Variants in KSR2 observed in about 807,000 individuals in gnomAD.
KSR2 encodes the protein kinase suppressor of ras 2.
A neutral mutation model predicts 107.8 loss-of-function variants in KSR2; 25 were observed. The observed-to-expected ratio is 0.23, with a 90% confidence interval of 0.17 to 0.32. The LOEUF is 0.32. Ranked by LOEUF, KSR2 falls within the 10% of genes least tolerant of loss-of-function variation. The pLI is 1.00. For missense variants in KSR2, 887 were observed against 1,268.9 expected, an observed-to-expected ratio of 0.70 and a Z score of 4.57; for synonymous variants, 480 against 507.0, an observed-to-expected ratio of 0.95 and a Z score of 0.71.
intron 5 of KSR2, among the ~76,000 whole-genome samples, chr12:117,606,094 C>A (rs1301155885): frequency 2.6e-5 from 4 of 152,066 alleles, no homozygotes; most frequent in Non-Finnish European, 4.4e-5. Flanking sequence ...TGATTAGATG[C>A]TTGCAGAGTG....
rs563501541 is a variant in KSR2, at chr12:117,671,715, T to C, written c.987-4057A>G. ...AACTTTTCAGTGGGCTTGAAAACAT[T>C]TCTTCCCTTCCCAAGGAGTGCGCTT... is the stretch of plus-strand genomic sequence containing the variant. On this transcript the variant is annotated intron_variant, in intron 4 of 19. Transcript: ENST00000339824. 8.0e-4 allele frequency among the ~76,000 whole-genome samples: 122 copies of C among 152,310 alleles called. 1 individual carries two copies. The highest frequency in any genetic ancestry group is 2.3e-3 in the South Asian group (11 of 4,832).
At chr12:117,956,591 T>C (rs1039644540) in intron 1 of KSR2, among the ~76,000 whole-genome samples, 1 of 151,762 alleles carries the variant, frequency 6.6e-6, no homozygotes, top group Admixed American at 6.6e-5. Flanking sequence ...AAACAGAAAA[T>C]AGAAATTATC....
In KSR2 at chr12:117,787,805, A is replaced by G. The variant is rs1051250744; in HGVS notation, c.473-26281T>C. Among the ~76,000 whole-genome samples, 11 of 152,310 alleles carry G rather than the reference A, an allele frequency of 7.2e-5. No homozygotes were observed. In the East Asian group the frequency reaches 2.1e-3, roughly 29 times the overall value. On this transcript the variant is annotated intron_variant, in intron 3 of 19. Coordinates refer to ENST00000339824, the MANE Select transcript of KSR2 (RefSeq NM_173598.6). ...AGAAAGACTGTGTGATCTCCCCCAGATCTTTATTAACAGGATGAACTGCCA... is the reference window on the plus strand; with the variant it reads ...AGAAAGACTGTGTGATCTCCCCCAGGTCTTTATTAACAGGATGAACTGCCA...
intron 4 of KSR2, among the ~76,000 whole-genome samples, chr12:117,700,124 GC>G (rs1886244781): frequency 6.6e-6 from 1 of 151,602 alleles, no homozygotes; most frequent in South Asian, 2.1e-4. Flanking sequence ...TAAGTGATCT[GC>G]CTGCCTCAGC....
intron 3 of KSR2, among the ~76,000 whole-genome samples, chr12:117,772,636 A>G (rs181294800): frequency 2.7e-5 from 4 of 149,564 alleles, no homozygotes; most frequent in South Asian, 4.3e-4. Context: ...CCAAAGACGC[A>G]CACACACACA....
At chr12:117,944,780 C>T (rs1896123895) in intron 1 of KSR2, among the ~76,000 whole-genome samples, 1 of 151,874 alleles carries the variant, frequency 6.6e-6, no homozygotes, top group Admixed American at 6.6e-5. Context: ...ATCGCTTGAG[C>T]CTGGGAGGCC....
At chr12:117,606,411 C>T (rs12422535) in intron 5 of KSR2, among the ~76,000 whole-genome samples, 2,021 of 8,806 alleles carry the variant, frequency 0.23, 331 homozygotes, top group African/African-American at 0.38. Flanking sequence ...TCTCCTTCCT[C>T]CCTCCCTCCC....
intron 1 of KSR2, among the ~76,000 whole-genome samples, chr12:117,923,992 C>A (rs1271522205): frequency 1.3e-5 from 2 of 151,166 alleles, no homozygotes; most frequent in African/African-American, 2.4e-5. Flanking sequence ...GAATCTCCTG[C>A]CTCAGCCTCC....
chr12:117,488,993 T>C (rs576884287), intron 14 of KSR2, among the ~76,000 whole-genome samples: 1 of 152,310 alleles, frequency 6.6e-6, no homozygotes, highest in East Asian at 1.9e-4. Context: ...TATATAAAAA[T>C]AACCAAGCTA....
chr12:117,938,933 A>G (rs1895923466), intron 1 of KSR2, among the ~76,000 whole-genome samples: 1 of 152,154 alleles, frequency 6.6e-6, no homozygotes, highest in African/African-American at 2.4e-5. Context: ...ATGCATTTTA[A>G]ATGAACAAAA....
intron 3 of KSR2, among the ~76,000 whole-genome samples, chr12:117,793,641 C>T (rs1372418596): frequency 6.8e-6 from 1 of 147,102 alleles, no homozygotes; most frequent in Non-Finnish European, 1.5e-5. Context: ...TTATCCCATG[C>T]ACATATACAC....
intron 9 of KSR2, among the ~76,000 whole-genome samples, chr12:117,554,127 ACCTGCTGGTGTGTGCAACCTTTGCCT>A (rs1280077094): frequency 6.6e-6 from 1 of 152,190 alleles, no homozygotes; most frequent in Non-Finnish European, 1.5e-5. Context: ...TTGGAAAATC[ACCTGCTGGTGTGTGCAACCTTTGCCT>A]CCTACTGTGA....
chr12:117,577,613 A>G (rs61524448), intron 7 of KSR2, among the ~76,000 whole-genome samples: 12,460 of 152,230 alleles, frequency 0.082, 1,033 homozygotes, highest in East Asian at 0.24. Flanking sequence ...GGGAGGCCTC[A>G]CAATCCCGGT....
At position 117,660,024 on chromosome 12, in the gene KSR2, A is replaced by C. The variant is rs138485526; in HGVS notation, c.1171+7450T>G. Among the ~76,000 whole-genome samples, 76 of 152,232 alleles carry C rather than the reference A, an allele frequency of 5.0e-4. 1 individual carries two copies. The East Asian group carries it at 0.014, about 29-fold the overall frequency. On this transcript the variant is annotated intron_variant, in intron 5 of 19. Coordinates refer to ENST00000339824, the MANE Select transcript of KSR2 (RefSeq NM_173598.6). ...CTCACCTCTTTCTTCTCTCCCCCAC[A>C]TCAGGCTGCTACACCCTTTTCAGGT...
intron 16 of KSR2, among the ~76,000 whole-genome samples, chr12:117,481,387 C>T (rs992219509): frequency 6.6e-6 from 1 of 152,140 alleles, no homozygotes; most frequent in African/African-American, 2.4e-5. Context: ...AGGCCCTAAT[C>T]CAATAAGATT....
At position 117,868,150 on chromosome 12, in the gene KSR2, G is replaced by A. The variant is rs968559571; in HGVS notation, c.181-7719C>T. Among the ~76,000 whole-genome samples, 15 of 152,122 alleles carry A rather than the reference G, an allele frequency of 9.9e-5. 1 individual carries two copies. Among genetic ancestry groups the A allele is most frequent in the South Asian group, 6.2e-4 (3 of 4,812 alleles). ...TAAATATAACAATAAAAATACGGCCGGGCACAGTGGCTCATGCCTGTAATC... is the reference window on the plus strand; with the variant it reads ...TAAATATAACAATAAAAATACGGCCAGGCACAGTGGCTCATGCCTGTAATC... On this transcript the variant is annotated intron_variant, in intron 1 of 19. Coordinates refer to ENST00000339824, the MANE Select transcript of KSR2 (RefSeq NM_173598.6).
chr12:117,612,928 T>A (rs1431222494), intron 5 of KSR2, among the ~76,000 whole-genome samples: 1 of 152,236 alleles, frequency 6.6e-6, no homozygotes, highest in Non-Finnish European at 1.5e-5. Flanking sequence ...TGGAAAGATG[T>A]ACCTTGCTTC....
chr12:117,558,499 T>C lies in KSR2; in HGVS notation c.1393+7A>G, dbSNP rs1038991098. 8.7e-6 allele frequency: 14 copies of C among 1,613,404 alleles called. No homozygotes were observed. The highest frequency in any genetic ancestry group is 1.2e-5 in the Non-Finnish European group (14 of 1,179,556). ...TGCCCCTAGGGCAGTAAGTGTTAAA[T>C]AGTTACCTCCTCGGTGGATGATCAG... On this transcript the variant is annotated splice_region_variant and intron_variant, in intron 8 of 19. Transcript: ENST00000339824.
intron 5 of KSR2, among the ~76,000 whole-genome samples, chr12:117,637,682 T>TTTTTTTTC (rs1883173772): frequency 7.7e-6 from 1 of 130,622 alleles, no homozygotes; most frequent in African/African-American, 2.9e-5. Flanking sequence ...TGGGTTTTTT[T>TTTTTTTTC]TTTTTTTTTT....
Sources: gnomAD v4.1 joint callset for allele counts (sites outside exome capture counted in the v4.1 genomes callset) on GRCh38, gnomAD v4.1.1 for gene constraint, MANE v1.5 for transcripts, NCBI Gene and HGNC (gene_info 2026-07-23, HGNC 2026-07-21) for gene names.